HTT: variants seen among roughly 807,000 people sequenced by gnomAD.
HTT encodes the protein huntingtin, also known as huntington disease protein.
Under a neutral mutation model 362.3 loss-of-function variants are expected in HTT, and 104 were observed. The ratio of observed to expected loss-of-function variants is 0.29; its 90% confidence interval spans 0.24 to 0.34. HTT has a LOEUF of 0.34. Among genes scored for constraint, HTT ranks in the 10% least tolerant of loss-of-function variants. HTT has a pLI of 1.00. For synonymous variants in HTT, 1,577 were observed against 1,548.7 expected, an observed-to-expected ratio of 1.02 and a Z score of -0.43; for missense variants, 3,301 against 3,928.6, an observed-to-expected ratio of 0.84 and a Z score of 4.27.
intron 45 of HTT, among the ~76,000 whole-genome samples, chr4:3,207,717 G>C (rs1032872206): frequency 6.6e-6 from 1 of 152,228 alleles, no homozygotes; most frequent in African/African-American, 2.4e-5. Flanking sequence ...TGCTAAACAA[G>C]AGTTGGCAAA....
chr4:3,102,628 G>A (rs1714211280), intron 3 of HTT, among the ~76,000 whole-genome samples: 1 of 152,134 alleles, frequency 6.6e-6, no homozygotes. Context: ...GTTTTACGAA[G>A]ACCATCTCAG....
At chr4:3,175,249 C>A (rs1370507971) in intron 33 of HTT, 142 bp downstream of exon 33, 2 of 791,312 alleles carry the variant, frequency 2.5e-6, no homozygotes, top group African/African-American at 1.7e-5. Flanking sequence ...TTTCATGCAC[C>A]TAGCTGGTGC....
In HTT at chr4:3,216,454, C is replaced by T. The variant is rs145978646; in HGVS notation, c.7054+1243C>T. Among the ~76,000 whole-genome samples the T allele has an allele frequency of 8.5e-3, 1,299 of 152,352 alleles. 36 individuals are homozygous for T. Among genetic ancestry groups the T allele is most frequent in the Non-Finnish European group, 5.1e-3 (347 of 68,034 alleles). On this transcript the variant is annotated intron_variant, in intron 51 of 66. Transcript: ENST00000355072. ...TAGTGCCAACCGTGTGGATTGAAAT[C>T]AATCAGTTAATCCCTCCATGTAAAG...
intron 47 of HTT, among the ~76,000 whole-genome samples, chr4:3,210,956 G>A (rs1720128801): frequency 7.5e-6 from 1 of 133,420 alleles, no homozygotes; most frequent in East Asian, 2.3e-4. Flanking sequence ...AGGCTGGAGT[G>A]CAATGGCGCT....
In HTT at chr4:3,121,461, A is replaced by T. The variant is rs749010851; in HGVS notation, c.1273+29A>T. 5 of 1,518,812 alleles carry T rather than the reference A, an allele frequency of 3.3e-6. No individual in the cohort carries two copies. In the South Asian group the frequency reaches 5.7e-5, roughly 17 times the overall value. 94.1% of individuals were successfully genotyped at this position (1,518,812 alleles called of 1,614,324 possible). A position where few individuals can be genotyped will look rare whatever the true frequency, so the allele number is the denominator to read the frequency against. ...AGTTATTAGCAAGGTCTACTCTTAC[A>T]ATTAACTTTGCAGTAATACTAGTTA... On this transcript the variant is annotated intron_variant, in intron 9 of 66. Transcript: ENST00000355072.
chr4:3,225,140 G>T (rs888414793), intron 56 of HTT, among the ~76,000 whole-genome samples: 6 of 151,338 alleles, frequency 4.0e-5, no homozygotes, highest in African/African-American at 1.5e-4. Context: ...ACATGAGGAG[G>T]CTGGCCTGGG....
Position 3,131,415 on chromosome 4 carries a change from T to A in HTT, c.2098+18T>A, listed in dbSNP as rs1715810214. ...AAAAAATGGTGAGTACAAAAGGGGA[T>A]GTGCACAGTTGAAGGAAATAACTAG... On this transcript the variant is annotated intron_variant, in intron 15 of 66. Coordinates refer to ENST00000355072, the MANE Select transcript of HTT (RefSeq NM_001388492.1). 6.3e-7 allele frequency: 1 copy of A among 1,579,166 alleles called. No homozygotes were observed. The highest frequency in any genetic ancestry group is 8.7e-7 in the Non-Finnish European group (1 of 1,148,296).
At chr4:3,093,179 G>A (rs1322934537) in intron 2 of HTT, among the ~76,000 whole-genome samples, 3 of 152,264 alleles carry the variant, frequency 2.0e-5, no homozygotes, top group East Asian at 3.9e-4. Flanking sequence ...CAGGGCTGGA[G>A]GTAGAGCCAC....
At chr4:3,092,395 T>G (rs572275641) in intron 2 of HTT, among the ~76,000 whole-genome samples, 19 of 152,250 alleles carry the variant, frequency 1.2e-4, no homozygotes, top group African/African-American at 4.3e-4. Flanking sequence ...TTAAAAAAAT[T>G]TTTTTTAGAG....
intron 3 of HTT, among the ~76,000 whole-genome samples, chr4:3,102,456 T>C (rs147482752): frequency 2.6e-4 from 40 of 152,374 alleles, no homozygotes; most frequent in Admixed American, 9.8e-4. Flanking sequence ...TTGAAATAAA[T>C]GTTTGTCCAA....
chr4:3,224,226 G>C (rs1170251764), intron 56 of HTT, 95 bp downstream of exon 56: 20 of 1,335,042 alleles, frequency 1.5e-5, no homozygotes, highest in Non-Finnish European at 2.1e-5. Context: ...GGGAAGACCT[G>C]AGTGTGGTCT....
intron 60 of HTT, among the ~76,000 whole-genome samples, chr4:3,231,508 G>A (rs1342026396): frequency 6.6e-6 from 1 of 152,196 alleles, no homozygotes; most frequent in Non-Finnish European, 1.5e-5. Flanking sequence ...GTGAGCACAT[G>A]TCCGTGACCT....
intron 40 of HTT, among the ~76,000 whole-genome samples, chr4:3,191,492 C>T (rs1719014174): frequency 6.6e-6 from 1 of 152,110 alleles, no homozygotes; most frequent in African/African-American, 2.4e-5. Flanking sequence ...TTTTTGAAAT[C>T]AATGTATGAC....
chr4:3,220,408 A>G (rs1221419609), intron 53 of HTT, 100 bp downstream of exon 53: 2 of 1,242,956 alleles, frequency 1.6e-6, no homozygotes, highest in Non-Finnish European at 2.3e-6. Flanking sequence ...GACTCCAGAA[A>G]AGATTTAAGC....
In HTT at chr4:3,077,023, CA is replaced by C. The variant is rs1712589123; in HGVS notation, c.263+1940del. Among the ~76,000 whole-genome samples, 7 of 151,894 alleles carry C rather than the reference CA, an allele frequency of 4.6e-5. No individual in the cohort carries two copies. The South Asian group carries it at 1.5e-3, about 32-fold the overall frequency. Reference sequence around the variant, plus strand: ...TGAAACCCTGTCTCTACTAAAAATACAAAAATTAGCTGGTCATGGTGGCACG... The same window carrying C: ...TGAAACCCTGTCTCTACTAAAAATACAAAATTAGCTGGTCATGGTGGCACG... On this transcript the variant is annotated intron_variant, in intron 1 of 66. Coordinates refer to ENST00000355072, the MANE Select transcript of HTT (RefSeq NM_001388492.1).
chr4:3,178,661 A>G (rs1718357881), intron 35 of HTT, among the ~76,000 whole-genome samples: 2 of 152,234 alleles, frequency 1.3e-5, no homozygotes, highest in African/African-American at 4.8e-5. Flanking sequence ...TCTCAGGGAA[A>G]AAAATTCAAG....
chr4:3,234,501 C>A (rs1290262753), intron 61 of HTT, among the ~76,000 whole-genome samples: 4 of 152,246 alleles, frequency 2.6e-5, no homozygotes, highest in African/African-American at 9.6e-5. Context: ...AGCCCCAGAA[C>A]AGGCCCCAGA....
chr4:3,136,745 G>T (rs965062906), intron 21 of HTT, among the ~76,000 whole-genome samples: 9 of 151,912 alleles, frequency 5.9e-5, no homozygotes, highest in Admixed American at 1.3e-4. Context: ...TATTTTATTA[G>T]CATTTTCCTG....
chr4:3,135,828 T>C, intron 19 of HTT, 76 bp from the exon 20 acceptor site: 2 of 1,222,812 alleles, frequency 1.6e-6, no homozygotes, highest in Non-Finnish European at 2.3e-6. Flanking sequence ...TGGATGAGCC[T>C]GCTCTGGAGC....
Sources: allele counts gnomAD v4.1 joint callset (sites outside exome capture counted in the v4.1 genomes callset), GRCh38; gene constraint gnomAD v4.1.1; transcripts MANE v1.5; gene names NCBI Gene and HGNC (gene_info 2026-07-23, HGNC 2026-07-21).